Variants in ANKS1B observed in about 807,000 individuals in gnomAD.
ANKS1B encodes ankyrin repeat and sterile alpha motif domain-containing protein 1B.
A neutral mutation model predicts 148.3 loss-of-function variants in ANKS1B; 36 were observed. The observed-to-expected ratio is 0.24, with a 90% CI of 0.19 to 0.32. The LOEUF (loss-of-function observed/expected upper bound fraction) is 0.32. Among genes scored for constraint, ANKS1B ranks in the 10% least tolerant of loss-of-function variants. The pLI, the probability that ANKS1B is intolerant of heterozygous loss-of-function variation, is 1.00. For synonymous variants in ANKS1B, 542 were observed against 560.8 expected (o/e 0.97, Z 0.47); for missense variants, 1,157 against 1,542.6 (o/e 0.75, Z 4.19).
chr12:99,106,237 G>A (rs186123634), intron 15 of ANKS1B, among the ~76,000 whole-genome samples: 2 of 152,264 alleles, frequency 1.3e-5, no homozygotes, highest in Admixed American at 6.5e-5. Flanking sequence ...TAGTATCTTC[G>A]CAACCACAGT....
At chr12:99,163,203 A>G (rs544459940) in intron 14 of ANKS1B, among the ~76,000 whole-genome samples, 2 of 152,314 alleles carry the variant, frequency 1.3e-5, no homozygotes, top group South Asian at 4.1e-4. Flanking sequence ...ACCACAGTTT[A>G]TTCAGTTCTT....
intron 4 of ANKS1B, among the ~76,000 whole-genome samples, chr12:99,789,853 T>C (rs184542918): frequency 1.3e-5 from 2 of 152,224 alleles, no homozygotes; most frequent in East Asian, 3.9e-4. Flanking sequence ...TGAAACCTGC[T>C]TTCAAGATCT....
At position 99,118,918 on chromosome 12, in the gene ANKS1B, G is replaced by A. The variant is rs75950783; in HGVS notation, c.2527-33895C>T. Among the ~76,000 whole-genome samples, 118 of 152,156 alleles carry A rather than the reference G, an allele frequency of 7.8e-4. 2 individuals are homozygous for A. In the East Asian group the frequency reaches 0.02, roughly 26 times the overall value. On this transcript the variant is annotated intron_variant, in intron 15 of 26. Transcript: ENST00000683438. Reference sequence around the variant, plus strand: ...AAGTATTGGATCAGTTTTTGGTCTCGGGGTAACAACAATAGCAGCAAAACA... The same window carrying A: ...AAGTATTGGATCAGTTTTTGGTCTCAGGGTAACAACAATAGCAGCAAAACA...
chr12:98,783,246 G>T (rs973265977), intron 22 of ANKS1B, among the ~76,000 whole-genome samples: 8 of 152,214 alleles, frequency 5.3e-5, no homozygotes, highest in African/African-American at 1.7e-4. Context: ...GGAAAAGCTC[G>T]AGTCTAGTTC....
intron 14 of ANKS1B, among the ~76,000 whole-genome samples, chr12:99,241,304 TG>T (rs2089271810): frequency 6.6e-6 from 1 of 151,958 alleles, no homozygotes; most frequent in Admixed American, 6.6e-5. Context: ...CTAGAAGAAA[TG>T]GGTAAATTCC....
intron 8 of ANKS1B, among the ~76,000 whole-genome samples, chr12:99,764,404 C>T (rs1420576704): frequency 2.6e-5 from 4 of 151,972 alleles, no homozygotes; most frequent in East Asian, 1.9e-4. Context: ...GAAAGACAGA[C>T]GTGTTTGAGA....
intron 12 of ANKS1B, among the ~76,000 whole-genome samples, chr12:99,369,735 T>C (rs2092983072): frequency 6.8e-6 from 1 of 147,056 alleles, no homozygotes; most frequent in African/African-American, 2.5e-5. Context: ...GACAGATAGA[T>C]AAATGGATAG....
chr12:99,394,571 AGT>A (rs1225866278), intron 12 of ANKS1B, among the ~76,000 whole-genome samples: 220 of 152,090 alleles, frequency 1.4e-3, no homozygotes, highest in African/African-American at 5.1e-3. Flanking sequence ...ATTCTAACTT[AGT>A]CCTCATCCTA....
chr12:99,102,957 C>A (rs1249283165), intron 15 of ANKS1B, among the ~76,000 whole-genome samples: 1 of 151,710 alleles, frequency 6.6e-6, no homozygotes, highest in South Asian at 2.1e-4. Context: ...CAGGTTGAAA[C>A]CCTGTCTCTT....
At chr12:99,479,075 A>G (rs2096370640) in intron 10 of ANKS1B, among the ~76,000 whole-genome samples, 1 of 152,046 alleles carries the variant, frequency 6.6e-6, no homozygotes, top group Non-Finnish European at 1.5e-5. Flanking sequence ...TACTTTTAGC[A>G]CATGTCAATT....
At position 99,561,141 on chromosome 12, in the gene ANKS1B, C is replaced by T. The variant is rs140315578; in HGVS notation, c.1273-56500G>A. The stretch of plus-strand genomic sequence containing the variant: ...GATTACAGGTGTAAGCCAGTGCGCC[C>T]GGCCGGCAATTTCTTAAAATAAGAC... On this transcript the variant is annotated intron_variant, in intron 9 of 26. Coordinates refer to ENST00000683438, the MANE Select transcript of ANKS1B (RefSeq NM_001352186.2). Among the ~76,000 whole-genome samples, 536 of 152,202 alleles carry T rather than the reference C, an allele frequency of 3.5e-3. 2 individuals are homozygous for T. Among genetic ancestry groups the T allele is most frequent in the Non-Finnish European group, 5.2e-3 (355 of 68,008 alleles).
At chr12:99,546,763 G>C (rs2097176100) in intron 9 of ANKS1B, among the ~76,000 whole-genome samples, 1 of 152,112 alleles carries the variant, frequency 6.6e-6, no homozygotes, top group Non-Finnish European at 1.5e-5. Context: ...ACGAATGGAA[G>C]GGAAAAATAG....
At chr12:99,187,156 C>A (rs1277049761) in intron 14 of ANKS1B, among the ~76,000 whole-genome samples, 1 of 151,704 alleles carries the variant, frequency 6.6e-6, no homozygotes, top group Non-Finnish European at 1.5e-5. Context: ...TGAAAAGGAA[C>A]AAACAAAGCC....
intron 1 of ANKS1B, among the ~76,000 whole-genome samples, chr12:99,971,653 G>A (rs2095560598): frequency 6.6e-6 from 1 of 151,022 alleles, no homozygotes; most frequent in African/African-American, 2.4e-5. Context: ...AATACTAATT[G>A]AGATCCAGGT....
At chr12:99,558,217 T>TGCATGCA (rs1267273591) in intron 9 of ANKS1B, among the ~76,000 whole-genome samples, 3 of 151,898 alleles carry the variant, frequency 2.0e-5, no homozygotes, top group Non-Finnish European at 4.4e-5. Flanking sequence ...CATGCTCACA[T>TGCATGCA]TGGTGACCGT....
At chr12:98,846,428 G>A (rs1595355669) in intron 17 of ANKS1B, among the ~76,000 whole-genome samples, 1 of 152,356 alleles carries the variant, frequency 6.6e-6, no homozygotes, top group East Asian at 1.9e-4. Flanking sequence ...GGTTCACAAA[G>A]CTGGAGAATG....
intron 9 of ANKS1B, among the ~76,000 whole-genome samples, chr12:99,528,787 T>C (rs892874405): frequency 1.3e-5 from 2 of 152,142 alleles, no homozygotes; most frequent in African/African-American, 2.4e-5. Context: ...AAGAATAATA[T>C]GTGATGTATG....
intron 17 of ANKS1B, among the ~76,000 whole-genome samples, chr12:98,840,693 A>T (rs756557876): frequency 1.3e-5 from 2 of 152,190 alleles, no homozygotes; most frequent in South Asian, 4.1e-4. Context: ...AAGCTCTCTG[A>T]ATTACCTCTT....
At chr12:99,457,180 G>T (rs1182566024) in intron 10 of ANKS1B, among the ~76,000 whole-genome samples, 1 of 152,028 alleles carries the variant, frequency 6.6e-6, no homozygotes, top group Non-Finnish European at 1.5e-5. Flanking sequence ...ATGAAAAAAA[G>T]ATGGTGTTTT....
Sources: allele counts gnomAD v4.1 joint callset (sites outside exome capture counted in the v4.1 genomes callset), GRCh38; gene constraint gnomAD v4.1.1; transcripts MANE v1.5; gene names NCBI Gene and HGNC (gene_info 2026-07-23, HGNC 2026-07-21).